Variants in ZAR1 observed in about 807,000 individuals in gnomAD.
ZAR1 encodes zygote arrest 1.
ZAR1 carries 37 observed loss-of-function variants against 38.3 expected under a neutral mutation model. The observed-to-expected ratio is 0.97, with a 90% confidence interval of 0.74 to 1.27. ZAR1 has a LOEUF of 1.27. ZAR1 is among the 50% of genes most tolerant of loss of function. The pLI is 0.00. For synonymous variants in ZAR1, 336 were observed against 292.0 expected, an observed-to-expected ratio of 1.15 and a Z score of -1.53; for missense variants, 651 against 632.4, an observed-to-expected ratio of 1.03 and a Z score of -0.32.
rs763675473 is a variant in ZAR1, at chr4:48,492,926, T to C, written c.1057-12T>C. ...CAAGGCGATTTTAAGTTTATCCTCT[T>C]TGTCATCACAGGTTTACTTCAAACA... On this transcript the variant is annotated splice_polypyrimidine_tract_variant and intron_variant, in intron 2 of 3. Transcript: ENST00000327939. The C allele has an allele frequency of 5.0e-6, 8 of 1,614,092 alleles. No individual in the cohort carries two copies. The African/African-American group carries it at 1.1e-4, about 22-fold the overall frequency.
chr4:48,492,695 C>G (rs1490229051), intron 1 of ZAR1, 71 bp from the exon 2 acceptor site: 6 of 1,478,530 alleles, frequency 4.1e-6, no homozygotes, highest in Non-Finnish European at 5.6e-6. Flanking sequence ...TCAAGTAGAT[C>G]CTTCCCAACG....
rs1378645478 is a variant in ZAR1, at chr4:48,490,571, C to G, written c.280C>G (p.Leu94Val). ...TCTCCTGGCGCAGGTGGGGCCGGGT[C>G]TCGGGCCGCGCGCCCGCAGGGCCGG... Reference protein sequence around the residue: ...MALLAQVGPGLGPRARRAGSC... With the variant: ...MALLAQVGPGVGPRARRAGSC... Residue 94 changes from leucine (L) to valine (V), a missense_variant, in exon 1 of 4, where the codon CTC becomes GTC. Leu to Val is a conservative substitution (Grantham distance 32). Coordinates refer to ENST00000327939, the MANE Select transcript of ZAR1 (RefSeq NM_175619.3). 3 of 1,402,854 alleles carry G rather than the reference C, an allele frequency of 2.1e-6. No homozygotes were observed. Among genetic ancestry groups the G allele is most frequent in the African/African-American group, 1.5e-5 (1 of 65,902 alleles). 86.9% of individuals were successfully genotyped at this position (1,402,854 alleles called of 1,614,324 possible).
In ZAR1 at chr4:48,492,931, A is replaced by G. The variant is rs962316498; in HGVS notation, c.1057-7A>G. 1 of 1,614,222 alleles carries G rather than the reference A, an allele frequency of 6.2e-7. No individual in the cohort carries two copies. The highest frequency in any genetic ancestry group is 1.7e-5 in the Admixed American group (1 of 60,032). The stretch of plus-strand genomic sequence containing the variant: ...CGATTTTAAGTTTATCCTCTTTGTC[A>G]TCACAGGTTTACTTCAAACAGTTTT... On this transcript the variant is annotated splice_polypyrimidine_tract_variant and splice_region_variant and intron_variant, in intron 2 of 3. Coordinates refer to ENST00000327939, the MANE Select transcript of ZAR1 (RefSeq NM_175619.3).
At chr4:48,496,433 TAAGA>T (rs10580125), downstream of ZAR1, among the ~76,000 whole-genome samples, 144,266 of 152,094 alleles carry the variant, frequency 0.95, 68,520 homozygotes, top group South Asian at 0.98. Flanking sequence ...CATTGAGTCC[TAAGA>T]AAGAAATTTT....
chr4:48,490,560 TG>T lies in ZAR1; in HGVS notation c.273del (p.Pro92ArgfsTer19). On this transcript the variant is annotated frameshift_variant, in exon 1 of 4. Coordinates refer to ENST00000327939, the MANE Select transcript of ZAR1 (RefSeq NM_175619.3). LOFTEE classifies it high-confidence loss of function. ...RERLMALLAQ[V>X]GPGLGPRARR... Reference sequence around the variant, plus strand: ...CGGCTCATGGCTCTCCTGGCGCAGGTGGGGCCGGGTCTCGGGCCGCGCGCCC... The same window carrying T: ...CGGCTCATGGCTCTCCTGGCGCAGGTGGGCCGGGTCTCGGGCCGCGCGCCC... 1.4e-6 allele frequency: 2 copies of T among 1,431,412 alleles called. No individual in the cohort carries two copies. The highest frequency in any genetic ancestry group is 3.0e-5 in the East Asian group (1 of 33,262). The allele number at this position is 1,431,412 out of a possible 1,614,324, so 88.7% of individuals were successfully genotyped here.
chr4:48,497,337 C>T (rs954649712), downstream of ZAR1: 1 of 152,098 alleles, frequency 6.6e-6, no homozygotes, highest in Non-Finnish European at 1.5e-5. Flanking sequence ...GAAGGCCATC[C>T]TAATGAATTT....
chr4:48,490,892 G>A lies in ZAR1; in HGVS notation c.601G>A (p.Ala201Thr), dbSNP rs901734089. 7.9e-6 allele frequency: 11 copies of A among 1,399,402 alleles called. No homozygotes were observed. In the Admixed American group the frequency reaches 1.6e-4, roughly 20 times the overall value. The allele number at this position is 1,399,402 out of a possible 1,614,324, so 86.7% of individuals were successfully genotyped here. A position where few individuals can be genotyped will look rare whatever the true frequency, so the allele number is the denominator to read the frequency against. The change falls in exon 1 of 4, where the codon GCG becomes ACG. Residue 201 changes from alanine (A) to threonine (T), a missense_variant. Transcript: ENST00000327939. The part of the protein sequence containing the change: ...TAFLEGPGPA[A>T]GEQRSGASDG... Reference sequence around the variant, plus strand: ...CTTCCTGGAGGGGCCCGGGCCCGCGGCGGGCGAGCAGAGGTCCGGGGCGTC... The same window carrying A: ...CTTCCTGGAGGGGCCCGGGCCCGCGACGGGCGAGCAGAGGTCCGGGGCGTC...
Position 48,490,877 on chromosome 4 carries a change from G to C in ZAR1, c.586G>C (p.Gly196Arg). The change falls in exon 1 of 4, where the codon GGG (glycine) becomes CGG (arginine). Residue 196 changes from glycine to arginine, a missense_variant. This residue lies in a region of ZAR1 where 522 missense variants were observed against 459.9 expected (regional missense o/e 1.14). Coordinates refer to ENST00000327939, the MANE Select transcript of ZAR1 (RefSeq NM_175619.3). The stretch of plus-strand genomic sequence containing the variant: ...GCGCCGTCTCACCGCCTTCCTGGAG[G>C]GGCCCGGGCCCGCGGCGGGCGAGCA... ...ALRRLTAFLE[G>R]PGPAAGEQRS... 7.1e-7 allele frequency: 1 copy of C among 1,417,744 alleles called. No homozygotes were observed. The highest frequency in any genetic ancestry group is 9.2e-7 in the Non-Finnish European group (1 of 1,089,820). The allele number at this position is 1,417,744 out of a possible 1,614,324, so 87.8% of individuals were successfully genotyped here. A position where few individuals can be genotyped will look rare whatever the true frequency, so the allele number is the denominator to read the frequency against.
chr4:48,493,949 T>A (rs1458819446), intron 3 of ZAR1, 152 bp from the exon 4 acceptor site: 1 of 875,096 alleles, frequency 1.1e-6, no homozygotes, highest in African/African-American at 1.7e-5. Flanking sequence ...CATTGCTACG[T>A]AGGTAGGGAT....
Position 48,491,148 on chromosome 4 carries a change from C to T in ZAR1, c.857C>T (p.Ser286Leu), listed in dbSNP as rs1348161243. ...CTAAGGAGCCCGGGGCAACCTCCGTCGGCGGGGAGGGCCCGAGACGGCGGC... is the reference window on the plus strand; with the variant it reads ...CTAAGGAGCCCGGGGCAACCTCCGTTGGCGGGGAGGGCCCGAGACGGCGGC... ...SALRSPGQPPSAGRARDGGDG... is the reference protein window; with the variant it reads ...SALRSPGQPPLAGRARDGGDG... Residue 286 changes from serine to leucine, a missense_variant, in exon 1 of 4, where the codon TCG (serine) becomes TTG (leucine). Ser to Leu is a moderately radical substitution (Grantham distance 145). This residue lies in a region of ZAR1 where 522 missense variants were observed against 459.9 expected (regional missense o/e 1.14). Coordinates refer to ENST00000327939, the MANE Select transcript of ZAR1 (RefSeq NM_175619.3). 4.0e-6 allele frequency: 5 copies of T among 1,240,550 alleles called. No homozygotes were observed. Among genetic ancestry groups the T allele is most frequent in the Non-Finnish European group, 4.0e-6 (4 of 993,928 alleles). The allele number at this position is 1,240,550 out of a possible 1,614,324, so 76.8% of individuals were successfully genotyped here.
At chr4:48,495,846 GA>G (rs1345144154), downstream of ZAR1, among the ~76,000 whole-genome samples, 2 of 152,226 alleles carry the variant, frequency 1.3e-5, no homozygotes, top group Non-Finnish European at 2.9e-5. Flanking sequence ...CCCTGTGGTA[GA>G]AAACAACCAG....
At chr4:48,492,646 CT>C (rs1422351136) in intron 1 of ZAR1, 119 bp from the exon 2 acceptor site, 10 of 938,864 alleles carry the variant, frequency 1.1e-5, no homozygotes, top group Non-Finnish European at 1.5e-5. Context: ...CAAACCTGAC[CT>C]GCTTTCTTTC....
At position 48,490,769 on chromosome 4, in the gene ZAR1, C is replaced by A. The variant is rs774116026; in HGVS notation, c.478C>A (p.Leu160Met). The change falls in exon 1 of 4, where the codon CTG becomes ATG. Residue 160 changes from leucine to methionine, a missense_variant. Physicochemically the swap from Leu to Met is conservative, Grantham distance 15 (BLOSUM62 2). This residue lies in a region of ZAR1 where 522 missense variants were observed against 459.9 expected (regional missense o/e 1.14). Coordinates refer to ENST00000327939, the MANE Select transcript of ZAR1 (RefSeq NM_175619.3). ...CTCCCAGCAGCCATCCCGTCGAGGC[C>A]TGGAGCAGGGCAGCCCCCAGAACGG... Reference protein sequence around the residue: ...SFSQQPSRRGLEQGSPQNGAP... With the variant: ...SFSQQPSRRGMEQGSPQNGAP... 64 of 1,474,482 alleles carry A rather than the reference C, an allele frequency of 4.3e-5. No individual in the cohort carries two copies. In the Middle Eastern group the frequency reaches 6.9e-4, roughly 16 times the overall value. The allele number at this position is 1,474,482 out of a possible 1,614,324, so 91.3% of individuals were successfully genotyped here.
At chr4:48,495,026 TTTC>T (rs914900822), downstream of ZAR1, among the ~76,000 whole-genome samples, 7 of 152,292 alleles carry the variant, frequency 4.6e-5, no homozygotes, top group South Asian at 2.1e-4. Context: ...GCCTTTTTTT[TTTC>T]TTCTTTTTTT....
intron 1 of ZAR1, among the ~76,000 whole-genome samples, chr4:48,492,517 T>C (rs1718471288): frequency 6.6e-6 from 1 of 152,206 alleles, no homozygotes; most frequent in Non-Finnish European, 1.5e-5. Flanking sequence ...TACTTATTCG[T>C]TTATTAGCCA....
At chr4:48,491,279 C>T (rs1718434481) in intron 1 of ZAR1, 25 bp downstream of exon 1, 2 of 1,230,290 alleles carry the variant, frequency 1.6e-6, no homozygotes, top group Non-Finnish European at 2.0e-6. Context: ...GGTCAGGGCA[C>T]AGGGGAGCCC....
chr4:48,494,503 G>GT, downstream of ZAR1: 1 of 443,476 alleles, frequency 2.3e-6, no homozygotes, highest in Non-Finnish European at 4.0e-6. Context: ...ATGGCATAGA[G>GT]TGGGCCAGGC....
At chr4:48,493,948 G>T (rs564097646) in intron 3 of ZAR1, among the ~76,000 whole-genome samples, 153 bp from the exon 4 acceptor site, 1 of 152,356 alleles carries the variant, frequency 6.6e-6, no homozygotes, top group Non-Finnish European at 1.5e-5. Flanking sequence ...TCATTGCTAC[G>T]TAGGTAGGGA....
At chr4:48,494,076 G>A (rs762474850) in intron 3 of ZAR1, 25 bp from the exon 4 acceptor site, 15 of 1,606,134 alleles carry the variant, frequency 9.3e-6, no homozygotes, top group Non-Finnish European at 1.3e-5. Context: ...TCTTCTGCAT[G>A]CCCTTCTGTA....
Sources: allele counts gnomAD v4.1 joint callset (sites outside exome capture counted in the v4.1 genomes callset), GRCh38; gene constraint gnomAD v4.1.1; regional missense constraint gnomAD v4.1.1; transcripts MANE v1.5; gene names NCBI Gene and HGNC (gene_info 2026-07-23, HGNC 2026-07-21).